The following LPP variants were observed in gnomAD, a reference collection of about 807,000 sequenced individuals.
LPP encodes LIM domain containing preferred translocation partner in lipoma, also known as lipoma-preferred partner.
A neutral mutation model predicts 60.4 loss-of-function variants in LPP; 38 were observed. That is an observed-to-expected ratio of 0.63 (90% CI 0.49 to 0.83). LPP has a LOEUF of 0.83. LPP is among the 40% of genes least tolerant of loss of function. LPP has a pLI of 0.00. For missense variants in LPP, 902 were observed against 783.6 expected (o/e 1.15, Z -1.80); for synonymous variants, 328 against 290.8 (o/e 1.13, Z -1.30).
chr3:188,513,523 A>G (rs1159314445), intron 5 of LPP, among the ~76,000 whole-genome samples: 1 of 151,804 alleles, frequency 6.6e-6, no homozygotes, highest in Admixed American at 6.6e-5. Context: ...TTATTCTTAG[A>G]GTTCCTGTTT....
At chr3:188,757,822 T>C (rs553840327) in intron 8 of LPP, among the ~76,000 whole-genome samples, 14 of 152,072 alleles carry the variant, frequency 9.2e-5, no homozygotes, top group Admixed American at 5.9e-4. Flanking sequence ...AAGGGTGGCA[T>C]GAAGCTGTTA....
chr3:188,801,318 G>T (rs1379632456), intron 9 of LPP, among the ~76,000 whole-genome samples: 1 of 152,056 alleles, frequency 6.6e-6, no homozygotes, highest in African/African-American at 2.4e-5. Flanking sequence ...TGATATACAT[G>T]CAATACTGAA....
At chr3:188,283,913 G>A (rs1157569690) in intron 2 of LPP, among the ~76,000 whole-genome samples, 1 of 151,960 alleles carries the variant, frequency 6.6e-6, no homozygotes, top group Non-Finnish European at 1.5e-5. Flanking sequence ...GGAGGTGGAG[G>A]TTGCAGTGAG....
At chr3:188,247,145 A>T (rs555523006) in intron 2 of LPP, 13 of 984,800 alleles carry the variant, frequency 1.3e-5, no homozygotes, top group Non-Finnish European at 1.6e-5. Flanking sequence ...TCTTTTCGGC[A>T]TGAAGGCAAG....
chr3:188,340,822 G>A lies in LPP; in HGVS notation c.-66-841G>A, dbSNP rs1378160405. ...GGTGTTTTAAAACTAGGAAACATAA[G>A]TCAAAGAGATATTCTCTTGCCTAAT... On this transcript the variant is annotated intron_variant, in intron 2 of 11. Coordinates refer to ENST00000617246, the MANE Select transcript of LPP (RefSeq NM_001375462.1). 3.3e-5 allele frequency among the ~76,000 whole-genome samples: 5 copies of A among 152,298 alleles called. No individual in the cohort carries two copies. In the South Asian group the frequency reaches 1.0e-3, roughly 32 times the overall value.
intron 2 of LPP, among the ~76,000 whole-genome samples, chr3:188,273,587 A>ATT (rs1738562012): frequency 3.1e-5 from 2 of 64,452 alleles, no homozygotes; most frequent in African/African-American, 5.8e-5. Context: ...GCTATTTTAT[A>ATT]TCTTTTTTTT....
chr3:188,749,909 A>C (rs1190028758), intron 8 of LPP, among the ~76,000 whole-genome samples: 1 of 152,148 alleles, frequency 6.6e-6, no homozygotes, highest in Non-Finnish European at 1.5e-5. Context: ...ATCTTTTATT[A>C]GTCACATATT....
chr3:188,728,862 A>G (rs1004053660), intron 8 of LPP, among the ~76,000 whole-genome samples: 1 of 145,350 alleles, frequency 6.9e-6, no homozygotes, highest in Non-Finnish European at 1.5e-5. Flanking sequence ...TAGAATTACT[A>G]TAAGTGCTTT....
At chr3:188,871,619 C>T (rs1388832683) in intron 10 of LPP, among the ~76,000 whole-genome samples, 6 of 152,072 alleles carry the variant, frequency 3.9e-5, no homozygotes, top group Admixed American at 2.0e-4. Context: ...TTTTTAACAT[C>T]GTTTATCTTA....
intron 2 of LPP, among the ~76,000 whole-genome samples, chr3:188,236,666 C>G (rs548687096): frequency 6.6e-6 from 1 of 152,314 alleles, no homozygotes; most frequent in Admixed American, 6.5e-5. Flanking sequence ...TTACACTATA[C>G]TGTAGTCTCT....
chr3:188,694,412 G>A (rs2149503679), intron 7 of LPP, among the ~76,000 whole-genome samples: 1 of 152,230 alleles, frequency 6.6e-6, no homozygotes, highest in South Asian at 2.1e-4. Flanking sequence ...CATTAAAAAT[G>A]ACCATGTCGG....
intron 1 of LPP, among the ~76,000 whole-genome samples, chr3:188,188,111 T>C (rs534731308): frequency 2.6e-5 from 4 of 152,340 alleles, no homozygotes; most frequent in African/African-American, 9.6e-5. Context: ...GCCTTTTCAT[T>C]AAATTATTTT....
chr3:188,810,850 C>G (rs908475359), intron 9 of LPP, among the ~76,000 whole-genome samples: 3 of 151,928 alleles, frequency 2.0e-5, no homozygotes, highest in Non-Finnish European at 2.9e-5. Context: ...TGTACAGAAG[C>G]CATAATTATT....
chr3:188,735,966 G>A (rs923231123), intron 8 of LPP, among the ~76,000 whole-genome samples: 2 of 152,110 alleles, frequency 1.3e-5, no homozygotes, highest in Admixed American at 1.3e-4. Context: ...AGAAGAATGA[G>A]ACAGGACTAG....
chr3:188,160,074 G>A (rs571231958), intron 1 of LPP, among the ~76,000 whole-genome samples: 131 of 151,876 alleles, frequency 8.6e-4, no homozygotes, highest in Non-Finnish European at 6.3e-4. Context: ...CACCACTCCC[G>A]GCTAATTTTT....
At chr3:188,164,842 G>A (rs1719449099) in intron 1 of LPP, among the ~76,000 whole-genome samples, 1 of 152,066 alleles carries the variant, frequency 6.6e-6, no homozygotes, top group South Asian at 2.1e-4. Context: ...ATTTGACATC[G>A]TGTATCAGGT....
intron 3 of LPP, among the ~76,000 whole-genome samples, chr3:188,396,328 A>C (rs182284938): frequency 2.4e-3 from 365 of 152,356 alleles, no homozygotes; most frequent in Middle Eastern, 6.8e-3. Flanking sequence ...AAAACAGAAA[A>C]ATACAAACAG....
At chr3:188,205,553 A>T (rs565248972) in intron 1 of LPP, among the ~76,000 whole-genome samples, 1 of 152,310 alleles carries the variant, frequency 6.6e-6, no homozygotes, top group East Asian at 1.9e-4. Context: ...AAGTGCTGGG[A>T]TTACAGGCCT....
chr3:188,385,485 T>G lies in LPP; in HGVS notation c.-9-20627T>G, dbSNP rs1243830464. 2.0e-5 allele frequency among the ~76,000 whole-genome samples: 3 copies of G among 152,122 alleles called. 1 individual carries two copies. The East Asian group carries it at 5.8e-4, about 29-fold the overall frequency. On this transcript the variant is annotated intron_variant, in intron 3 of 11. Transcript: ENST00000617246. ...ACAAAGCAGAAAGACTTGCTGTGCT[T>G]TCTGAACTTACGTAAGTTACAAACA...
Sources: allele counts gnomAD v4.1 joint callset (sites outside exome capture counted in the v4.1 genomes callset), GRCh38; gene constraint gnomAD v4.1.1; transcripts MANE v1.5; gene names NCBI Gene and HGNC (gene_info 2026-07-23, HGNC 2026-07-21).